RGS20: variants seen among roughly 807,000 people sequenced by gnomAD.
RGS20 encodes the protein regulator of G protein signaling 20.
A neutral mutation model predicts 33.6 loss-of-function variants in RGS20; 30 were observed. The ratio of observed to expected loss-of-function variants is 0.89; its 90% CI spans 0.67 to 1.21. RGS20 has a LOEUF of 1.21. Among genes scored for constraint, RGS20 ranks in the 50% most tolerant of loss-of-function variants. The pLI, the probability that RGS20 is intolerant of heterozygous loss-of-function variation, is 0.00. For synonymous variants in RGS20, 208 were observed against 197.9 expected (o/e 1.05, Z -0.43); for missense variants, 472 against 502.4 (o/e 0.94, Z 0.58).
chr8:53,951,055 T>G (rs1250945101), intron 4 of RGS20, among the ~76,000 whole-genome samples: 11 of 152,222 alleles, frequency 7.2e-5, no homozygotes, highest in Non-Finnish European at 2.9e-5. Context: ...TGTATGTACC[T>G]AATAAAATAA....
intron 1 of RGS20, among the ~76,000 whole-genome samples, chr8:53,873,007 C>T (rs1004939458): frequency 1.3e-5 from 2 of 152,192 alleles, no homozygotes; most frequent in South Asian, 4.2e-4. Flanking sequence ...GAGGCATGAC[C>T]TGGTAGGAGG....
rs902291364 is a variant in RGS20 at position 53,925,118 on chromosome 8, C to A, written c.511-14458C>A. Among the ~76,000 whole-genome samples the A allele has an allele frequency of 1.6e-4, 25 of 152,090 alleles. 1 individual carries two copies. Among genetic ancestry groups the A allele is most frequent in the African/African-American group, 5.8e-4 (24 of 41,412 alleles). ...TGCCCATTGATTTACACTGCCATTG[C>A]GTTTCTGGTTGGAGGTATATTTATC... On this transcript the variant is annotated intron_variant, in intron 2 of 5. Coordinates refer to ENST00000297313, the MANE Select transcript of RGS20 (RefSeq NM_170587.4).
At chr8:53,894,537 T>C (rs923080654) in intron 2 of RGS20, among the ~76,000 whole-genome samples, 2 of 152,162 alleles carry the variant, frequency 1.3e-5, no homozygotes, top group African/African-American at 4.8e-5. Flanking sequence ...CAGCAGACCT[T>C]CTGGGAAAAG....
At chr8:53,887,484 G>T (rs1301748136) in intron 2 of RGS20, among the ~76,000 whole-genome samples, 1 of 152,172 alleles carries the variant, frequency 6.6e-6, no homozygotes, top group African/African-American at 2.4e-5. Flanking sequence ...CTGCATTTTG[G>T]TGGAGGCTCC....
intron 2 of RGS20, chr8:53,879,987 T>G: frequency 3.2e-5 from 7 of 216,150 alleles, no homozygotes; most frequent in East Asian, 1.0e-4. Context: ...CCCACTCCCC[T>G]GCCCTCTCGG....
chr8:53,939,440 TA>T, intron 2 of RGS20, 135 bp from the exon 2 acceptor site: 1 of 904,760 alleles, frequency 1.1e-6, no homozygotes, highest in Non-Finnish European at 1.5e-6. Flanking sequence ...CACTAAATTT[TA>T]CGAGAAGTAG....
At chr8:53,958,165 A>C in intron 5 of RGS20, 105 bp from the exon 5 acceptor site, 1 of 853,906 alleles carries the variant, frequency 1.2e-6, no homozygotes, top group Non-Finnish European at 1.7e-6. Flanking sequence ...AAAAACCAAA[A>C]ACAAAAAACA....
At chr8:53,897,761 C>A (rs1487218809) in intron 2 of RGS20, among the ~76,000 whole-genome samples, 1 of 152,186 alleles carries the variant, frequency 6.6e-6, no homozygotes, top group African/African-American at 2.4e-5. Flanking sequence ...TTCCTGTATT[C>A]CCTAAATTTC....
At chr8:53,885,440 C>T (rs1030391655) in intron 2 of RGS20, among the ~76,000 whole-genome samples, 1 of 152,080 alleles carries the variant, frequency 6.6e-6, no homozygotes, top group Admixed American at 6.6e-5. Context: ...GGTGAAACCC[C>T]GTCTCTACTA....
intron 4 of RGS20, among the ~76,000 whole-genome samples, chr8:53,949,414 G>A (rs1452147179): frequency 6.6e-6 from 1 of 151,112 alleles, no homozygotes; most frequent in Non-Finnish European, 1.5e-5. Flanking sequence ...AAAAATAAAA[G>A]TATATTATAT....
At chr8:53,935,363 C>A (rs1427551020) in intron 2 of RGS20, among the ~76,000 whole-genome samples, 2 of 151,998 alleles carry the variant, frequency 1.3e-5, no homozygotes, top group Non-Finnish European at 1.5e-5. Context: ...ACTAGCCAGA[C>A]TAATAAAGAA....
intron 2 of RGS20, among the ~76,000 whole-genome samples, chr8:53,897,395 T>C (rs752014156): frequency 2.6e-4 from 40 of 152,194 alleles, no homozygotes; most frequent in Non-Finnish European, 5.0e-4. Flanking sequence ...AGAGTTTCCT[T>C]AGTTCCAGCT....
chr8:53,881,877 T>C (rs1012798910), intron 2 of RGS20, among the ~76,000 whole-genome samples: 12 of 150,490 alleles, frequency 8.0e-5, no homozygotes, highest in African/African-American at 2.9e-4. Context: ...GCGCCCGGAC[T>C]GCGGAGACTG....
chr8:53,915,611 G>C (rs575962781), intron 2 of RGS20, among the ~76,000 whole-genome samples: 1 of 152,214 alleles, frequency 6.6e-6, no homozygotes, highest in East Asian at 1.9e-4. Context: ...CTTTTTCCTA[G>C]ACCTGGCTGT....
At chr8:53,881,044 C>T (rs1038756445) in intron 2 of RGS20, 12 of 1,559,794 alleles carry the variant, frequency 7.7e-6, no homozygotes, top group South Asian at 2.3e-5. Context: ...GGCGAGCCGG[C>T]CGGGGCTTCC....
intron 2 of RGS20, chr8:53,879,692 C>A: frequency 8.9e-7 from 1 of 1,125,934 alleles, no homozygotes; most frequent in Non-Finnish European, 1.2e-6. Flanking sequence ...CTGACCCGCT[C>A]CGCTGGGGCT....
At chr8:53,953,922 G>A (rs1221595784) in intron 4 of RGS20, among the ~76,000 whole-genome samples, 154 bp from the exon 4 acceptor site, 6 of 152,164 alleles carry the variant, frequency 3.9e-5, no homozygotes. Flanking sequence ...CCAAAGGTTT[G>A]AGGAAATGCG....
intron 3 of RGS20, among the ~76,000 whole-genome samples, chr8:53,941,774 A>G (rs1814304595): frequency 1.3e-5 from 2 of 152,348 alleles, no homozygotes; most frequent in South Asian, 4.1e-4. Context: ...ACTATTCAGT[A>G]AATAGCAGGA....
At chr8:53,885,071 C>T (rs571445696) in intron 2 of RGS20, among the ~76,000 whole-genome samples, 29 of 152,312 alleles carry the variant, frequency 1.9e-4, no homozygotes, top group Admixed American at 3.3e-4. Flanking sequence ...TTTTAGAAAA[C>T]GCCTTCAAAA....
Sources: allele counts gnomAD v4.1 joint callset (sites outside exome capture counted in the v4.1 genomes callset), GRCh38; gene constraint gnomAD v4.1.1; transcripts MANE v1.5; gene names NCBI Gene and HGNC (gene_info 2026-07-23, HGNC 2026-07-21).